TBC1D2B: variants seen among roughly 807,000 people sequenced by gnomAD.
TBC1D2B encodes the protein TBC1 domain family member 2B.
Under a neutral mutation model 100.8 loss-of-function variants are expected in TBC1D2B, and 64 were observed. The observed-to-expected ratio is 0.64, with a 90% CI of 0.52 to 0.78. The LOEUF (loss-of-function observed/expected upper bound fraction) is 0.78, where lower values mean the gene tolerates loss of function less well. Among genes scored for constraint, TBC1D2B ranks in the 30% least tolerant of loss-of-function variants. TBC1D2B has a pLI of 0.00. For synonymous variants in TBC1D2B, 480 were observed against 479.7 expected, an observed-to-expected ratio of 1.00 and a Z score of -0.01; for missense variants, 1,052 against 1,218.4, an observed-to-expected ratio of 0.86 and a Z score of 2.03.
At chr15:78,002,167 G>A (rs2071931903) in intron 11 of TBC1D2B, among the ~76,000 whole-genome samples, 2 of 152,254 alleles carry the variant, frequency 1.3e-5, no homozygotes, top group South Asian at 4.2e-4. Context: ...TTTGAAGATA[G>A]CGAAGGAGTT....
At chr15:78,057,887 C>T (rs1463760041) in intron 1 of TBC1D2B, among the ~76,000 whole-genome samples, 1 of 152,178 alleles carries the variant, frequency 6.6e-6, no homozygotes, top group Admixed American at 6.5e-5. Flanking sequence ...AAAGCCTCTG[C>T]GTTTTTTATC....
chr15:78,043,318 G>T (rs1025811534), intron 3 of TBC1D2B, among the ~76,000 whole-genome samples: 4 of 152,182 alleles, frequency 2.6e-5, no homozygotes, highest in Admixed American at 2.6e-4. Context: ...ACTGCATAGT[G>T]ACCACTGGCT....
Position 77,996,836 on chromosome 15 carries a change from T to C in TBC1D2B, c.*1324A>G, listed in dbSNP as rs547536712. 5 of 152,260 alleles carry C rather than the reference T, an allele frequency of 3.3e-5. No individual in the cohort carries two copies. The highest frequency in any genetic ancestry group is 7.3e-5 in the Non-Finnish European group (5 of 68,052). The allele number at this position is 152,260 out of a possible 1,614,324, so 9.4% of individuals were successfully genotyped here. A position where few individuals can be genotyped will look rare whatever the true frequency, so the allele number is the denominator to read the frequency against. On this transcript the variant is annotated 3_prime_UTR_variant, in exon 13 of 13. Transcript: ENST00000300584. Reference sequence around the variant, plus strand: ...CATTCCACTGAGATCATTTATCTTGTATTTTCATAACACTGTGCCAGAAAA... The same window carrying C: ...CATTCCACTGAGATCATTTATCTTGCATTTTCATAACACTGTGCCAGAAAA...
At chr15:78,032,765 G>A (rs2141724756) in intron 3 of TBC1D2B, among the ~76,000 whole-genome samples, 1 of 152,076 alleles carries the variant, frequency 6.6e-6, no homozygotes, top group Middle Eastern at 3.4e-3. Flanking sequence ...TAGGTATTGT[G>A]GAAGGAAAGA....
chr15:78,007,990 C>T (rs1009362119), intron 10 of TBC1D2B, among the ~76,000 whole-genome samples: 52 of 152,338 alleles, frequency 3.4e-4, no homozygotes, highest in East Asian at 2.1e-3. Flanking sequence ...CAAGGAGAGG[C>T]TGTGAGCAGG....
intron 3 of TBC1D2B, among the ~76,000 whole-genome samples, chr15:78,037,482 C>T (rs1375620056): frequency 1.3e-5 from 2 of 152,216 alleles, no homozygotes; most frequent in Admixed American, 1.3e-4. Flanking sequence ...AGCCTTGAAC[C>T]GCACCCTACA....
At position 78,043,326 on chromosome 15, in the gene TBC1D2B, GC is replaced by G. The variant is rs568545182; in HGVS notation, c.683+1573del. 5.1e-4 allele frequency among the ~76,000 whole-genome samples: 78 copies of G among 152,296 alleles called. No individual in the cohort carries two copies. The South Asian group carries it at 0.012, about 23-fold the overall frequency. On this transcript the variant is annotated intron_variant, in intron 3 of 12. Coordinates refer to ENST00000300584, the MANE Select transcript of TBC1D2B (RefSeq NM_144572.2). ...CTGGCCAACTGCATAGTGACCACTG[GC>G]TTGGACTCTACAGGACAGCAAGAAA...
Position 78,030,172 on chromosome 15 carries a change from T to C in TBC1D2B, c.684-2A>G. ...GGACGGAAAGAAGACATCGAATTCC[T>C]GTTGGGAAAAACAATATGTGTTATT... On this transcript the variant is annotated splice_acceptor_variant, in intron 3 of 12. Transcript: ENST00000300584. LOFTEE classifies it high-confidence loss of function. 2 of 1,608,644 alleles carry C rather than the reference T, an allele frequency of 1.2e-6. No homozygotes were observed. Among genetic ancestry groups the C allele is most frequent in the South Asian group, 1.1e-5 (1 of 89,930 alleles).
At chr15:78,039,852 A>G (rs1009550960) in intron 3 of TBC1D2B, among the ~76,000 whole-genome samples, 1 of 152,122 alleles carries the variant, frequency 6.6e-6, no homozygotes, top group Non-Finnish European at 1.5e-5. Context: ...CACACACCCA[A>G]TAAGTAGCAG....
At chr15:78,003,580 G>A in intron 10 of TBC1D2B, 90 bp from the exon 11 acceptor site, 5 of 962,550 alleles carry the variant, frequency 5.2e-6, no homozygotes, top group Non-Finnish European at 8.0e-6. Flanking sequence ...GAGCCTGGGG[G>A]TGGAGCCCAA....
chr15:78,004,608 T>C (rs2072017696), intron 10 of TBC1D2B, among the ~76,000 whole-genome samples: 1 of 152,212 alleles, frequency 6.6e-6, no homozygotes, highest in South Asian at 2.1e-4. Flanking sequence ...GAAACAAATG[T>C]TTCACAAAAC....
Position 77,997,055 on chromosome 15 carries a change from A to G in TBC1D2B, c.*1105T>C, listed in dbSNP as rs1156835184. The G allele has an allele frequency of 1.3e-5, 2 of 152,258 alleles. No individual in the cohort carries two copies. The highest frequency in any genetic ancestry group is 1.5e-5 in the Non-Finnish European group (1 of 68,062). The allele number at this position is 152,258 out of a possible 1,614,324, so 9.4% of individuals were successfully genotyped here. A position where few individuals can be genotyped will look rare whatever the true frequency, so the allele number is the denominator to read the frequency against. ...CCAGGCAGTGGTGGGGTGGGCACAC[A>G]TCTGGGAGAGCTCACCCAAGCCTGC... On this transcript the variant is annotated 3_prime_UTR_variant, in exon 13 of 13. Coordinates refer to ENST00000300584, the MANE Select transcript of TBC1D2B (RefSeq NM_144572.2).
intron 7 of TBC1D2B, 34 bp from the exon 8 acceptor site, chr15:78,016,773 CAG>C: frequency 1.4e-6 from 2 of 1,467,020 alleles, no homozygotes; most frequent in Non-Finnish European, 1.8e-6. Context: ...TCCATTCAGA[CAG>C]AGACACAGGA....
intron 8 of TBC1D2B, among the ~76,000 whole-genome samples, chr15:78,015,597 T>C (rs1029560735): frequency 6.6e-6 from 1 of 152,216 alleles, no homozygotes; most frequent in African/African-American, 2.4e-5. Flanking sequence ...CTACTGCACC[T>C]GGGAACCCGA....
intron 10 of TBC1D2B, among the ~76,000 whole-genome samples, chr15:78,004,977 A>C (rs2072027230): frequency 6.6e-6 from 1 of 152,344 alleles, no homozygotes; most frequent in Non-Finnish European, 1.5e-5. Context: ...GGAGCTGTAA[A>C]GTGGCAAGGG....
chr15:78,071,085 G>A (rs1022071628), intron 1 of TBC1D2B, among the ~76,000 whole-genome samples: 1 of 152,198 alleles, frequency 6.6e-6, no homozygotes, highest in Non-Finnish European at 1.5e-5. Context: ...GCTTCCCAAA[G>A]TGCTGGGATT....
chr15:78,017,971 A>C lies in TBC1D2B; in HGVS notation c.1471-14T>G, dbSNP rs752367773. 2.1e-5 allele frequency: 30 copies of C among 1,432,736 alleles called. No individual in the cohort carries two copies. Among genetic ancestry groups the C allele is most frequent in the Non-Finnish European group, 2.9e-5 (30 of 1,040,032 alleles). The allele number at this position is 1,432,736 out of a possible 1,614,324, so 88.8% of individuals were successfully genotyped here. ...CTGTAGATTATCCTGTTAGAAAAAAAAAAAATCCCTGAATTCACATTGGTT... is the reference window on the plus strand; with the variant it reads ...CTGTAGATTATCCTGTTAGAAAAAACAAAAATCCCTGAATTCACATTGGTT... On this transcript the variant is annotated splice_polypyrimidine_tract_variant and intron_variant, in intron 6 of 12. Coordinates refer to ENST00000300584, the MANE Select transcript of TBC1D2B (RefSeq NM_144572.2).
At chr15:78,058,665 A>C (rs2073478378) in intron 1 of TBC1D2B, among the ~76,000 whole-genome samples, 1 of 152,232 alleles carries the variant, frequency 6.6e-6, no homozygotes, top group South Asian at 2.1e-4. Context: ...ACCACACAGC[A>C]TTCACCAAAG....
At chr15:78,060,661 A>G (rs1352435890) in intron 1 of TBC1D2B, among the ~76,000 whole-genome samples, 1 of 152,048 alleles carries the variant, frequency 6.6e-6, no homozygotes, top group East Asian at 1.9e-4. Context: ...TCACTCCTGT[A>G]ATCCCAGCAC....
Sources: gnomAD v4.1 joint callset for allele counts (sites outside exome capture counted in the v4.1 genomes callset) on GRCh38, gnomAD v4.1.1 for gene constraint, MANE v1.5 for transcripts, NCBI Gene and HGNC (gene_info 2026-07-23, HGNC 2026-07-21) for gene names.